The following TBC1D31 variants were observed in gnomAD, a reference collection of about 807,000 sequenced individuals.
TBC1D31 encodes WD repeat domain 67.
TBC1D31 carries 99 observed loss-of-function variants against 132.9 expected under a neutral mutation model. The observed-to-expected ratio is 0.74, with a 90% CI of 0.63 to 0.88. The LOEUF (loss-of-function observed/expected upper bound fraction) is 0.88. TBC1D31 is among the 40% of genes least tolerant of loss of function. TBC1D31 has a pLI of 0.00. For missense variants in TBC1D31, 1,134 were observed against 1,256.6 expected, an observed-to-expected ratio of 0.90 and a Z score of 1.48; for synonymous variants, 385 against 419.4, an observed-to-expected ratio of 0.92 and a Z score of 1.00.
intron 3 of TBC1D31, chr8:123,083,037 G>C (rs755963957): frequency 3.9e-5 from 19 of 489,368 alleles, no homozygotes; most frequent in Non-Finnish European, 6.5e-5. Context: ...TAATTTACTA[G>C]AACAACTCAC....
At chr8:123,092,407 T>C (rs1750745563) in intron 4 of TBC1D31, among the ~76,000 whole-genome samples, 1 of 152,192 alleles carries the variant, frequency 6.6e-6, no homozygotes, top group African/African-American at 2.4e-5. Flanking sequence ...AAATAATTTT[T>C]ACTCCCAGCG....
chr8:123,079,759 C>G (rs1409601166), intron 2 of TBC1D31, among the ~76,000 whole-genome samples: 3 of 152,178 alleles, frequency 2.0e-5, no homozygotes, highest in African/African-American at 4.8e-5. Flanking sequence ...CCTCCTGATT[C>G]ATGGGAAAAT....
At chr8:123,120,295 T>C (rs1819346195) in intron 11 of TBC1D31, 107 bp downstream of exon 11, 1 of 880,956 alleles carries the variant, frequency 1.1e-6, no homozygotes, top group Non-Finnish European at 1.7e-6. Context: ...TCTCTACTTT[T>C]AAGTCACGAA....
At chr8:123,162,434 A>T in the TBC1D31 span, among the ~76,000 whole-genome samples, 3 of 151,846 alleles carry the variant, frequency 2.0e-5, no homozygotes, top group Middle Eastern at 0.01. Flanking sequence ...AGGCAGGGAG[A>T]CCCCCAGCAC....
downstream of TBC1D31, among the ~76,000 whole-genome samples, chr8:123,153,616 C>T (rs16898056): frequency 0.025 from 3,803 of 152,284 alleles, 158 homozygotes; most frequent in African/African-American, 0.088. Flanking sequence ...GCTTGGTTGA[C>T]ATTGCAAAGG....
At chr8:123,082,863 A>G in intron 3 of TBC1D31, 46 bp downstream of exon 3, 1 of 1,313,612 alleles carries the variant, frequency 7.6e-7, no homozygotes, top group South Asian at 1.2e-5. Context: ...TAAAATATAA[A>G]CTGAAGAACT....
chr8:123,099,278 CCCGG>C, intron 6 of TBC1D31, among the ~76,000 whole-genome samples: 1 of 152,158 alleles, frequency 6.6e-6, no homozygotes, highest in East Asian at 1.9e-4. Flanking sequence ...TGCCACCACG[CCCGG>C]CTAATTTTTT....
chr8:123,145,871 C>CTTTTTTT (rs57816964), intron 20 of TBC1D31, among the ~76,000 whole-genome samples: 2 of 133,512 alleles, frequency 1.5e-5, no homozygotes, highest in Non-Finnish European at 3.2e-5. Flanking sequence ...TTCTCTTTTT[C>CTTTTTTT]TTTTTTTTTT....
chr8:123,099,037 A>T (rs1016532772), intron 6 of TBC1D31, among the ~76,000 whole-genome samples: 1 of 152,232 alleles, frequency 6.6e-6, no homozygotes, highest in Admixed American at 6.5e-5. Context: ...TGCCACTGGG[A>T]AGAGAACCTG....
chr8:123,074,365 G>A (rs1187051614), intron 1 of TBC1D31, among the ~76,000 whole-genome samples: 15 of 152,188 alleles, frequency 9.9e-5, no homozygotes, highest in African/African-American at 3.6e-4. Context: ...AAAGTGCGAT[G>A]CGAGACGTTT....
chr8:123,120,042 A>C lies in TBC1D31; in HGVS notation c.1437-13A>C. The stretch of plus-strand genomic sequence containing the variant: ...TTCAAATAAATTTTAATGCTAAGTT[A>C]TTTTATTCACAGAACCTTATCTGCA... On this transcript the variant is annotated splice_polypyrimidine_tract_variant and intron_variant, in intron 10 of 21. Transcript: ENST00000287380. 6.4e-7 allele frequency: 1 copy of C among 1,559,314 alleles called. No homozygotes were observed. The highest frequency in any genetic ancestry group is 2.1e-5 in the Admixed American group (1 of 46,918).
At chr8:123,130,706 C>G (rs1390413432) in intron 16 of TBC1D31, among the ~76,000 whole-genome samples, 1 of 150,812 alleles carries the variant, frequency 6.6e-6, no homozygotes. Flanking sequence ...AGTGCAACCT[C>G]CGCCTCCCGG....
chr8:123,129,554 T>C (rs114695313), intron 15 of TBC1D31, among the ~76,000 whole-genome samples: 2,049 of 152,256 alleles, frequency 0.013, 38 homozygotes, highest in African/African-American at 0.047. Context: ...TTTAGTAGAG[T>C]ATAATTTTTT....
Position 123,144,796 on chromosome 8 carries a change from G to A in TBC1D31, c.2915G>A (p.Trp972Ter), listed in dbSNP as rs1200785901. The change falls in exon 20 of 22, where the codon TGG becomes TAG. Residue 972 changes from tryptophan to a stop codon, truncating the protein, a stop_gained. Coordinates refer to ENST00000287380, the MANE Select transcript of TBC1D31 (RefSeq NM_145647.4). LOFTEE classifies it high-confidence loss of function. ...GCTCTTTCAGATGCGTCTAGAAAGTGGTTTTTAAAGCAAGAGATAAATGCG... is the reference window on the plus strand; with the variant it reads ...GCTCTTTCAGATGCGTCTAGAAAGTAGTTTTTAAAGCAAGAGATAAATGCG... ...ASALSDASRK[W>*]FLKQEINAAV... 3 of 1,613,786 alleles carry A rather than the reference G, an allele frequency of 1.9e-6. No individual in the cohort carries two copies. The highest frequency in any genetic ancestry group is 1.7e-6 in the Non-Finnish European group (2 of 1,179,960).
At chr8:123,149,910 T>C in intron 20 of TBC1D31, 126 bp from the exon 21 acceptor site, 1 of 596,564 alleles carries the variant, frequency 1.7e-6, no homozygotes, top group South Asian at 2.8e-5. Context: ...GCATTCTTCT[T>C]AAAATAGAAA....
chr8:123,098,546 C>T (rs960378392), intron 6 of TBC1D31, among the ~76,000 whole-genome samples: 1 of 152,222 alleles, frequency 6.6e-6, no homozygotes, highest in African/African-American at 2.4e-5. Context: ...CCTCAGCCTC[C>T]CAAAGTGCTG....
chr8:123,073,101 T>TG (rs1357547833), intron 1 of TBC1D31: 1 of 561,062 alleles, frequency 1.8e-6, no homozygotes, highest in African/African-American at 1.9e-5. Flanking sequence ...CCTGGGAACT[T>TG]GCGGCTTTTG....
intron 8 of TBC1D31, among the ~76,000 whole-genome samples, chr8:123,106,430 T>G (rs1356219548): frequency 6.6e-6 from 1 of 152,236 alleles, no homozygotes; most frequent in East Asian, 1.9e-4. Flanking sequence ...AAAGTACTGA[T>G]ACTGACATAT....
At chr8:123,119,999 A>T in intron 10 of TBC1D31, 56 bp from the exon 11 acceptor site, 1 of 1,399,310 alleles carries the variant, frequency 7.1e-7, no homozygotes, top group Non-Finnish European at 9.5e-7. Flanking sequence ...AATTTTTATC[A>T]TGTGAAGATA....
Sources: allele counts gnomAD v4.1 joint callset (sites outside exome capture counted in the v4.1 genomes callset), GRCh38; gene constraint gnomAD v4.1.1; transcripts MANE v1.5; gene names NCBI Gene and HGNC (gene_info 2026-07-23, HGNC 2026-07-21).